NCAM2: variants seen among roughly 807,000 people sequenced by gnomAD.
The protein encoded by NCAM2 is N-CAM-2.
NCAM2 carries 30 observed loss-of-function variants against 98.1 expected under a neutral mutation model. The observed-to-expected ratio is 0.31, with a 90% confidence interval of 0.23 to 0.41. The LOEUF is 0.41. Among genes scored for constraint, NCAM2 ranks in the 10% least tolerant of loss-of-function variants. The probability of loss-of-function intolerance (pLI) is 1.00; values close to 1 mark genes in which losing one functional copy is unlikely to be tolerated. For synonymous variants in NCAM2, 368 were observed against 342.4 expected (o/e 1.07, Z -0.83); for missense variants, 867 against 1,005.8 (o/e 0.86, Z 1.87).
intron 1 of NCAM2, among the ~76,000 whole-genome samples, chr21:21,230,390 G>A (rs972702084): frequency 5.3e-5 from 8 of 151,020 alleles, no homozygotes; most frequent in African/African-American, 1.5e-4. Context: ...ATAAAAATTG[G>A]CCACGCTGTC....
chr21:21,214,437 G>C (rs929761515), intron 1 of NCAM2, among the ~76,000 whole-genome samples: 1 of 151,922 alleles, frequency 6.6e-6, no homozygotes, highest in Non-Finnish European at 1.5e-5. Context: ...ATGGGTGCCA[G>C]GATAATTGGC....
Position 21,508,726 on chromosome 21 carries a change from C to CT in NCAM2, c.2078-123dup, listed in dbSNP as rs113148358. The CT allele has an allele frequency of 1.6e-3, 1,201 of 764,416 alleles. 18 individuals carry two copies. The African/African-American group carries it at 0.02, about 13-fold the overall frequency. 47.4% of individuals were successfully genotyped at this position (764,416 alleles called of 1,614,324 possible). On this transcript the variant is annotated intron_variant, in intron 15 of 17. Coordinates refer to ENST00000400546, the MANE Select transcript of NCAM2 (RefSeq NM_004540.5). ...CGGTTACTATGACTTTATTCTGTCT[C>CT]TTAAATTGAATTATTGGAAAAGATT...
At chr21:21,125,363 A>ATATATATGTAATATATAATATTTTACC (rs2066768062) in intron 1 of NCAM2, among the ~76,000 whole-genome samples, 1 of 147,070 alleles carries the variant, frequency 6.8e-6, no homozygotes, top group African/African-American at 2.5e-5. Context: ...AATATTTTAC[A>ATATATATGTAATATATAATATTTTACC]TATATATGTA....
At chr21:21,328,506 T>C (rs894064420) in intron 6 of NCAM2, among the ~76,000 whole-genome samples, 3 of 151,590 alleles carry the variant, frequency 2.0e-5, no homozygotes, top group Admixed American at 2.0e-4. Flanking sequence ...TGGGATGAGA[T>C]GTGGAGGTGG....
chr21:21,441,444 A>G (rs930341477), intron 12 of NCAM2, among the ~76,000 whole-genome samples: 1 of 152,238 alleles, frequency 6.6e-6, no homozygotes, highest in African/African-American at 2.4e-5. Context: ...TCCAACAAAT[A>G]TATACTTAGT....
intron 5 of NCAM2, among the ~76,000 whole-genome samples, chr21:21,314,448 G>A (rs1235700700): frequency 6.6e-6 from 1 of 152,092 alleles, no homozygotes; most frequent in Non-Finnish European, 1.5e-5. Context: ...ATTATGATGT[G>A]CCTCAACATG....
intron 1 of NCAM2, among the ~76,000 whole-genome samples, chr21:21,024,560 T>G (rs1338038733): frequency 6.6e-6 from 1 of 152,116 alleles, no homozygotes; most frequent in Non-Finnish European, 1.5e-5. Flanking sequence ...TTGTCCAACT[T>G]AAGTAGAAAA....
chr21:21,385,515 G>T, intron 9 of NCAM2: 2 of 552,374 alleles, frequency 3.6e-6, no homozygotes, highest in South Asian at 3.1e-5. Flanking sequence ...TTTATAATTT[G>T]ATAGAAGCCG....
chr21:21,410,572 AATC>A (rs1271436694), intron 10 of NCAM2, 111 bp downstream of exon 10: 1 of 560,296 alleles, frequency 1.8e-6, no homozygotes, highest in Non-Finnish European at 2.8e-6. Flanking sequence ...AAGAGAGAGA[AATC>A]ATGGTGTATA....
intron 1 of NCAM2, among the ~76,000 whole-genome samples, chr21:21,244,745 T>A (rs2071196703): frequency 6.8e-6 from 1 of 147,418 alleles, no homozygotes; most frequent in African/African-American, 2.5e-5. Flanking sequence ...TACTCAGGAG[T>A]CTGAGGCAGG....
chr21:21,443,979 T>C (rs1411983629), intron 12 of NCAM2, among the ~76,000 whole-genome samples: 2 of 152,198 alleles, frequency 1.3e-5, no homozygotes, highest in Non-Finnish European at 2.9e-5. Flanking sequence ...TGTGGGTTTG[T>C]CATAAATAGC....
intron 1 of NCAM2, among the ~76,000 whole-genome samples, chr21:21,109,333 TTAAATATAAAAGGTAGC>T (rs1481781618): frequency 6.6e-6 from 1 of 152,116 alleles, no homozygotes; most frequent in Non-Finnish European, 1.5e-5. Flanking sequence ...CTTATATATT[TTAAATATAAAAGGTAGC>T]TAAATCCATG....
chr21:21,524,419 A>G (rs1427042949), intron 16 of NCAM2, among the ~76,000 whole-genome samples: 1 of 130,672 alleles, frequency 7.7e-6, no homozygotes, highest in Non-Finnish European at 1.6e-5. Context: ...TCATTCAGCA[A>G]GCAGAAAAAA....
chr21:21,529,932 T>C (rs1396672653), intron 16 of NCAM2, among the ~76,000 whole-genome samples: 1 of 150,866 alleles, frequency 6.6e-6, no homozygotes, highest in Non-Finnish European at 1.5e-5. Context: ...TTCACAGTTT[T>C]AATGCAAAAT....
intron 1 of NCAM2, among the ~76,000 whole-genome samples, chr21:21,080,901 C>A (rs534604659): frequency 1.3e-5 from 2 of 152,094 alleles, no homozygotes; most frequent in African/African-American, 4.8e-5. Context: ...AGTTTTAGAG[C>A]AGGAATGAAA....
chr21:21,148,160 A>C (rs1417528943), intron 1 of NCAM2, among the ~76,000 whole-genome samples: 2 of 152,156 alleles, frequency 1.3e-5, no homozygotes, highest in Admixed American at 6.5e-5. Context: ...TTCAAATGCT[A>C]ATCTTTTTAA....
At chr21:21,023,756 A>G (rs1157220520) in intron 1 of NCAM2, among the ~76,000 whole-genome samples, 2 of 152,150 alleles carry the variant, frequency 1.3e-5, no homozygotes, top group East Asian at 3.9e-4. Flanking sequence ...TGCATATTAT[A>G]AATATGGATA....
chr21:21,221,811 G>A (rs527395120), intron 1 of NCAM2, among the ~76,000 whole-genome samples: 11 of 152,196 alleles, frequency 7.2e-5, no homozygotes, highest in Non-Finnish European at 1.0e-4. Flanking sequence ...GATGGCTACA[G>A]TAAACAACAC....
intron 8 of NCAM2, among the ~76,000 whole-genome samples, chr21:21,356,773 C>A (rs1018678915): frequency 6.6e-6 from 1 of 152,056 alleles, no homozygotes; most frequent in Admixed American, 6.6e-5. Context: ...GCTGGATCAT[C>A]TGAGGTCGGG....
Sources: gnomAD v4.1 joint callset for allele counts (sites outside exome capture counted in the v4.1 genomes callset) on GRCh38, gnomAD v4.1.1 for gene constraint, MANE v1.5 for transcripts, NCBI Gene and HGNC (gene_info 2026-07-23, HGNC 2026-07-21) for gene names.